SCD5: variants seen among roughly 807,000 people sequenced by gnomAD.
The protein encoded by SCD5 is stearoyl-CoA desaturase 5, also known as acyl-CoA-desaturase 4.
A neutral mutation model predicts 30.4 loss-of-function variants in SCD5; 20 were observed. That is an observed-to-expected ratio of 0.66 (90% CI 0.46 to 0.96). The LOEUF is 0.96. Among genes scored for constraint, SCD5 ranks in the 40% least tolerant of loss-of-function variants. The probability of loss-of-function intolerance (pLI) is 0.00; values close to 1 mark genes in which losing one functional copy is unlikely to be tolerated. For missense variants in SCD5, 381 were observed against 443.3 expected, an observed-to-expected ratio of 0.86 and a Z score of 1.26; for synonymous variants, 173 against 176.4, an observed-to-expected ratio of 0.98 and a Z score of 0.16.
intron 1 of SCD5, among the ~76,000 whole-genome samples, chr4:82,786,790 C>CA (rs1560563534): frequency 1.2e-5 from 1 of 80,786 alleles, no homozygotes; most frequent in Non-Finnish European, 2.9e-5. Flanking sequence ...GAGACTTTGC[C>CA]TTAAAAAAAA....
At chr4:82,635,619 T>A (rs1439376702) in intron 4 of SCD5, among the ~76,000 whole-genome samples, 11 of 114,474 alleles carry the variant, frequency 9.6e-5, no homozygotes, top group Non-Finnish European at 1.0e-4. Flanking sequence ...GACTCCGTCT[T>A]AAAAAAAAAA....
At chr4:82,646,330 T>C (rs1727633441) in intron 3 of SCD5, among the ~76,000 whole-genome samples, 1 of 152,174 alleles carries the variant, frequency 6.6e-6, no homozygotes, top group African/African-American at 2.4e-5. Context: ...TGCAAATGCA[T>C]GGAACATTCT....
chr4:82,786,792 TAA>T (rs11462424), intron 1 of SCD5, among the ~76,000 whole-genome samples: 18 of 127,174 alleles, frequency 1.4e-4, no homozygotes, highest in East Asian at 4.7e-4. Context: ...GACTTTGCCT[TAA>T]AAAAAAAAAA....
At chr4:82,639,934 T>G (rs1389178873) in intron 3 of SCD5, among the ~76,000 whole-genome samples, 3 of 152,134 alleles carry the variant, frequency 2.0e-5, no homozygotes, top group Non-Finnish European at 4.4e-5. Context: ...GAGAAACACG[T>G]GTGGAGGGCT....
intron 1 of SCD5, among the ~76,000 whole-genome samples, chr4:82,763,931 T>G (rs1038641510): frequency 1.3e-5 from 2 of 152,240 alleles, no homozygotes; most frequent in African/African-American, 4.8e-5. Flanking sequence ...TTATGTCCTC[T>G]TGATATCTAC....
intron 1 of SCD5, among the ~76,000 whole-genome samples, chr4:82,750,003 T>A (rs1721067572): frequency 6.6e-6 from 1 of 152,250 alleles, no homozygotes; most frequent in African/African-American, 2.4e-5. Context: ...ATTAGCTGTA[T>A]AACTGTAGCA....
chr4:82,752,258 T>C (rs1721119156), intron 1 of SCD5, among the ~76,000 whole-genome samples: 1 of 137,664 alleles, frequency 7.3e-6, no homozygotes, highest in African/African-American at 2.8e-5. Flanking sequence ...AAGGTTGACC[T>C]TGAATTTTAA....
chr4:82,634,779 T>G (rs1179679180), intron 4 of SCD5, among the ~76,000 whole-genome samples: 5 of 152,198 alleles, frequency 3.3e-5, no homozygotes, highest in Admixed American at 2.0e-4. Context: ...TCCCCATTTC[T>G]GTCTACTCAC....
chr4:82,686,988 T>C (rs1235307738), intron 2 of SCD5, among the ~76,000 whole-genome samples: 2 of 151,880 alleles, frequency 1.3e-5, no homozygotes, highest in Non-Finnish European at 2.9e-5. Context: ...CTGGCCAATA[T>C]GGTGAAACCC....
At chr4:82,768,141 C>A (rs1347149436) in intron 1 of SCD5, among the ~76,000 whole-genome samples, 1 of 152,176 alleles carries the variant, frequency 6.6e-6, no homozygotes, top group African/African-American at 2.4e-5. Context: ...AAGTACTCCA[C>A]ATGAATTACA....
At chr4:82,698,901 C>T (rs1051826607) in intron 2 of SCD5, among the ~76,000 whole-genome samples, 1 of 152,230 alleles carries the variant, frequency 6.6e-6, no homozygotes, top group African/African-American at 2.4e-5. Flanking sequence ...CATTTGCTCA[C>T]ATGTTCATTT....
At chr4:82,715,133 A>G (rs1171202587) in intron 1 of SCD5, among the ~76,000 whole-genome samples, 1 of 151,316 alleles carries the variant, frequency 6.6e-6, no homozygotes, top group Non-Finnish European at 1.5e-5. Flanking sequence ...GCTACTTGGG[A>G]GGCTGAGGCA....
intron 4 of SCD5, among the ~76,000 whole-genome samples, 200 bp from the exon 5 acceptor site, chr4:82,631,717 A>C (rs1318916484): frequency 6.6e-6 from 1 of 152,220 alleles, no homozygotes; most frequent in Non-Finnish European, 1.5e-5. Flanking sequence ...ATAGCAATAA[A>C]TCGTCACAAG....
intron 1 of SCD5, among the ~76,000 whole-genome samples, chr4:82,797,326 T>C (rs987554425): frequency 6.6e-6 from 1 of 152,120 alleles, no homozygotes; most frequent in Admixed American, 6.5e-5. Context: ...ACTCAGCATA[T>C]CAATGCCTGT....
chr4:82,714,607 G>A (rs1398721696), intron 1 of SCD5, among the ~76,000 whole-genome samples: 8 of 152,098 alleles, frequency 5.3e-5, no homozygotes, highest in Admixed American at 3.9e-4. Context: ...GGGGCTGTGG[G>A]GGTAAAATGA....
rs1467879875 is a variant in SCD5 at position 82,753,138 on chromosome 4, C to CAG, written c.232+45167_232+45168insCT. Among the ~76,000 whole-genome samples the CAG allele has an allele frequency of 8.1e-3, 1,232 of 152,224 alleles. 12 individuals carry two copies. The highest frequency in any genetic ancestry group is 9.9e-3 in the Non-Finnish European group (676 of 68,012). On this transcript the variant is annotated intron_variant, in intron 1 of 4. Coordinates refer to ENST00000319540, the MANE Select transcript of SCD5 (RefSeq NM_001037582.3). ...CTGGAGTCTGCATTTTAGCAAGATC[C>CAG]TATGTGATTCCTGTGCACATTCCAG...
chr4:82,718,266 T>C lies in SCD5; in HGVS notation c.233-12853A>G, dbSNP rs571924744. 1.2e-4 allele frequency among the ~76,000 whole-genome samples: 18 copies of C among 151,920 alleles called. No homozygotes were observed. The South Asian group carries it at 3.5e-3, about 30-fold the overall frequency. On this transcript the variant is annotated intron_variant, in intron 1 of 4. Transcript: ENST00000319540. ...GAGGGACATCTTTGGGAACATTCTA[T>C]GGAGAGAGGCCCTAGGCATCACTGT...
intron 3 of SCD5, among the ~76,000 whole-genome samples, chr4:82,671,940 A>G (rs913282917): frequency 6.6e-6 from 1 of 152,130 alleles, no homozygotes; most frequent in African/African-American, 2.4e-5. Context: ...ATCAAACAAC[A>G]TACTTCTAAA....
chr4:82,723,052 G>A (rs1379536070), intron 1 of SCD5, among the ~76,000 whole-genome samples: 6 of 149,028 alleles, frequency 4.0e-5, no homozygotes, highest in South Asian at 2.2e-4. Context: ...ACTCCAGCCC[G>A]GGTGACAAGA....
Sources: allele counts gnomAD v4.1 joint callset (sites outside exome capture counted in the v4.1 genomes callset), GRCh38; gene constraint gnomAD v4.1.1; transcripts MANE v1.5; gene names NCBI Gene and HGNC (gene_info 2026-07-23, HGNC 2026-07-21).